SBF2: variants seen among roughly 807,000 people sequenced by gnomAD.
The protein encoded by SBF2 is myotubularin-related protein 13.
SBF2 carries 112 observed loss-of-function variants against 225.2 expected under a neutral mutation model. The ratio of observed to expected loss-of-function variants is 0.50; its 90% confidence interval spans 0.43 to 0.58. SBF2 has a LOEUF of 0.58. Among genes scored for constraint, SBF2 ranks in the 20% least tolerant of loss-of-function variants. The pLI, the probability that SBF2 is intolerant of heterozygous loss-of-function variation, is 0.00. For synonymous variants in SBF2, 763 were observed against 773.3 expected (o/e 0.99, Z 0.22); for missense variants, 1,996 against 2,206.2 (o/e 0.90, Z 1.91).
intron 6 of SBF2, among the ~76,000 whole-genome samples, chr11:10,024,084 A>G (rs1221253887): frequency 6.6e-6 from 1 of 152,200 alleles, no homozygotes; most frequent in East Asian, 1.9e-4. Flanking sequence ...CATGCCGTAT[A>G]TAATTTTTCT....
At chr11:10,299,016 G>T (rs1419483960), upstream of SBF2, among the ~76,000 whole-genome samples, 2 of 152,128 alleles carry the variant, frequency 1.3e-5, no homozygotes, top group African/African-American at 4.8e-5. Flanking sequence ...TGTGTTTGGG[G>T]TGCAAAGAAA....
chr11:10,137,089 T>C (rs1301411242), intron 2 of SBF2, among the ~76,000 whole-genome samples: 4 of 152,208 alleles, frequency 2.6e-5, no homozygotes, highest in African/African-American at 7.2e-5. Flanking sequence ...CCCCAACATT[T>C]TGTAGTCTCA....
At chr11:10,016,521 C>T (rs1411060005) in intron 6 of SBF2, 1 of 152,148 alleles carries the variant, frequency 6.6e-6, no homozygotes, top group Non-Finnish European at 1.5e-5. Flanking sequence ...GAGTCTCGCT[C>T]TGTCGCCCAG....
chr11:10,226,885 G>C (rs189883817), intron 1 of SBF2, among the ~76,000 whole-genome samples: 1 of 152,290 alleles, frequency 6.6e-6, no homozygotes, highest in Non-Finnish European at 1.5e-5. Flanking sequence ...TCTAGTTCTA[G>C]ATCCCTGAGG....
intron 1 of SBF2, among the ~76,000 whole-genome samples, chr11:10,254,879 T>A (rs1477349075): frequency 1.0e-5 from 1 of 97,516 alleles, no homozygotes; most frequent in East Asian, 3.3e-4. Flanking sequence ...CCAGCCTGGG[T>A]GACAGAGTGA....
intron 6 of SBF2, among the ~76,000 whole-genome samples, chr11:10,011,782 G>A (rs560463797): frequency 6.8e-4 from 103 of 152,244 alleles, no homozygotes; most frequent in Non-Finnish European, 1.2e-3. Flanking sequence ...CTGTTCTCAA[G>A]GGTTTGCCTT....
intron 16 of SBF2, among the ~76,000 whole-genome samples, chr11:9,905,400 A>G (rs1204272354): frequency 6.6e-6 from 1 of 152,216 alleles, no homozygotes. Flanking sequence ...TAGGTCTTGG[A>G]TTTCCAGAAT....
At chr11:10,158,015 TTAGAAATCAATAATGGGAGGAAA>T (rs2135197279) in intron 2 of SBF2, among the ~76,000 whole-genome samples, 1 of 152,224 alleles carries the variant, frequency 6.6e-6, no homozygotes, top group South Asian at 2.1e-4. Flanking sequence ...TGGTATGAAA[TTAGAAATCAATAATGGGAGGAAA>T]AACTGGAAAA....
At chr11:10,189,225 T>TA (rs1459200798) in intron 2 of SBF2, among the ~76,000 whole-genome samples, 9 of 152,218 alleles carry the variant, frequency 5.9e-5, no homozygotes, top group African/African-American at 2.2e-4. Flanking sequence ...TGCAAGAACT[T>TA]AAATTTTTAC....
chr11:10,274,670 G>A lies in SBF2; in HGVS notation c.55+19345C>T, dbSNP rs185050996. On this transcript the variant is annotated intron_variant, in intron 1 of 39. Coordinates refer to ENST00000256190, the MANE Select transcript of SBF2 (RefSeq NM_030962.4). ...GGAGGCTGAGGCAGGAGAATCGCTT[G>A]AACCTAGGAGGTGGAGATTGCAGTG... is the stretch of plus-strand genomic sequence containing the variant. 3.3e-3 allele frequency among the ~76,000 whole-genome samples: 492 copies of A among 150,214 alleles called. 3 individuals carry two copies. Among genetic ancestry groups the A allele is most frequent in the Admixed American group, 7.0e-3 (105 of 14,942 alleles).
intron 21 of SBF2, among the ~76,000 whole-genome samples, chr11:9,852,035 A>G (rs1856995912): frequency 6.6e-6 from 1 of 152,182 alleles, no homozygotes; most frequent in Non-Finnish European, 1.5e-5. Context: ...TCGGACTGCC[A>G]AAGTGTTGGG....
chr11:9,851,809 C>T (rs1856977654), intron 21 of SBF2, among the ~76,000 whole-genome samples: 1 of 152,134 alleles, frequency 6.6e-6, no homozygotes, highest in African/African-American at 2.4e-5. Context: ...CTTGCTCTGT[C>T]ACCCAGGCTG....
chr11:9,856,939 C>T (rs1857368230), intron 18 of SBF2, among the ~76,000 whole-genome samples: 1 of 152,014 alleles, frequency 6.6e-6, no homozygotes, highest in African/African-American at 2.4e-5. Context: ...AGTCACCTGC[C>T]ACCACGCCCA....
rs867132309 is a variant in SBF2, at chr11:9,812,787, A to G, written c.3979-79T>C. The stretch of plus-strand genomic sequence containing the variant: ...TGATGTTTCCAATGGGGCAGTGCAT[A>G]ATGACAAAGTTATTTGGGGCCAAAT... On this transcript the variant is annotated intron_variant, in intron 29 of 39. Transcript: ENST00000256190. The G allele has an allele frequency of 6.8e-6, 10 of 1,470,330 alleles. No homozygotes were observed. In the Middle Eastern group the frequency reaches 1.9e-3, roughly 272 times the overall value. The allele number at this position is 1,470,330 out of a possible 1,614,324, so 91.1% of individuals were successfully genotyped here.
chr11:9,977,400 T>C (rs1444569869), intron 13 of SBF2, among the ~76,000 whole-genome samples: 3 of 151,728 alleles, frequency 2.0e-5, no homozygotes, highest in Non-Finnish European at 2.9e-5. Flanking sequence ...AGCAGGAGGA[T>C]TGCTTGAACC....
chr11:9,880,084 TAAAAAAAAAAAAAAA>T (rs58140393), intron 17 of SBF2, among the ~76,000 whole-genome samples: 1 of 51,994 alleles, frequency 1.9e-5, no homozygotes, highest in African/African-American at 7.6e-5. Context: ...CTCTGTCTCA[TAAAAAAAAAAAAAAA>T]AAAAAAAAAA....
Position 9,852,684 on chromosome 11 carries a change from T to C in SBF2, c.2602A>G (p.Ile868Val), listed in dbSNP as rs750641739. ...VHRESRRLPP[I>V]QKPKILRPAL... Reference sequence around the variant, plus strand: ...ATGTAGTCTGGAATTACCTTCTGAATAGGCGGAAGTCTTCTGCTTTCTCGA... The same window carrying C: ...ATGTAGTCTGGAATTACCTTCTGAACAGGCGGAAGTCTTCTGCTTTCTCGA... Residue 868 changes from isoleucine (I) to valine (V), a missense_variant, in exon 21 of 40, where the codon ATT becomes GTT. Physicochemically the swap from Ile to Val is conservative, Grantham distance 29 (BLOSUM62 3). Transcript: ENST00000256190. 9 of 1,611,638 alleles carry C rather than the reference T, an allele frequency of 5.6e-6. No homozygotes were observed. The highest frequency in any genetic ancestry group is 5.3e-5 in the African/African-American group (4 of 74,888).
At chr11:9,832,489 A>C in intron 26 of SBF2, 69 bp from the exon 27 acceptor site, 2 of 1,103,474 alleles carry the variant, frequency 1.8e-6, no homozygotes, top group Non-Finnish European at 1.4e-6. Flanking sequence ...AGGGGAAAGG[A>C]AATGAGAGAA....
At chr11:10,233,983 C>G (rs1958962302) in intron 1 of SBF2, among the ~76,000 whole-genome samples, 1 of 152,188 alleles carries the variant, frequency 6.6e-6, no homozygotes, top group Non-Finnish European at 1.5e-5. Flanking sequence ...CAATCAACCT[C>G]TTGCACTCCT....
Sources: allele counts gnomAD v4.1 joint callset (sites outside exome capture counted in the v4.1 genomes callset), GRCh38; gene constraint gnomAD v4.1.1; transcripts MANE v1.5; gene names NCBI Gene and HGNC (gene_info 2026-07-23, HGNC 2026-07-21).